The following CASK variants were observed in gnomAD, a reference collection of about 807,000 sequenced individuals.
The protein encoded by CASK is peripheral plasma membrane protein CASK.
CASK carries 4 observed loss-of-function variants against 82.9 expected under a neutral mutation model. That is an observed-to-expected ratio of 0.05 (90% CI 0.02 to 0.11). The LOEUF (loss-of-function observed/expected upper bound fraction) is 0.11. Ranked by LOEUF, CASK falls within the 10% of genes least tolerant of loss-of-function variation. CASK has a pLI of 1.00. For missense variants in CASK, 358 were observed against 720.9 expected (o/e 0.50, Z 5.76); for synonymous variants, 259 against 253.5 (o/e 1.02, Z -0.20).
At chrX:41,573,075 C>CTTT (rs147599527) in intron 15 of CASK, among the ~76,000 whole-genome samples, 1 of 87,933 alleles carries the variant, frequency 1.1e-5, no homozygotes, top group African/African-American at 4.0e-5. Context: ...TTTCTTTTTT[C>CTTT]TTTTTTTTTT....
At chrX:41,712,521 A>G (rs1360539773) in intron 5 of CASK, among the ~76,000 whole-genome samples, 1 of 112,330 alleles carries the variant, frequency 8.9e-6, no homozygotes. Flanking sequence ...AAAATATCAG[A>G]CCTAACCAAC....
Position 41,662,700 on chromosome X carries a change from C to T in CASK, c.709-2139G>A, listed in dbSNP as rs182533205. Among the ~76,000 whole-genome samples, 56 of 110,424 alleles carry T rather than the reference C, an allele frequency of 5.1e-4. 1 individual carries two copies. Among genetic ancestry groups the T allele is most frequent in the African/African-American group, 1.6e-3 (48 of 30,412 alleles). ...CCCAGCTACTCGGGAGGCTGAGTCA[C>T]GAGAATCACCTGAACTTGGGAGGGG... On this transcript the variant is annotated intron_variant, in intron 7 of 26. Transcript: ENST00000378163.
At chrX:41,580,509 A>G (rs2065558562) in intron 14 of CASK, among the ~76,000 whole-genome samples, 1 of 111,943 alleles carries the variant, frequency 8.9e-6, no homozygotes, top group African/African-American at 3.2e-5. Flanking sequence ...TATTTAATGC[A>G]TTATTTACAA....
At chrX:41,566,797 A>G (rs1027668399) in intron 16 of CASK, among the ~76,000 whole-genome samples, 4 of 111,887 alleles carry the variant, frequency 3.6e-5, no homozygotes, top group Non-Finnish European at 7.5e-5. Flanking sequence ...CTAAGCAAAA[A>G]GAACAAAGCT....
At chrX:41,913,395 TAAC>T (rs1459654504) in intron 1 of CASK, among the ~76,000 whole-genome samples, 1 of 112,095 alleles carries the variant, frequency 8.9e-6, no homozygotes, top group Non-Finnish European at 1.9e-5. Flanking sequence ...GCAATTAAAA[TAAC>T]AACCTTTAGA....
chrX:41,772,752 C>T (rs181092061), intron 3 of CASK, among the ~76,000 whole-genome samples: 1 of 111,432 alleles, frequency 9.0e-6, no homozygotes, highest in African/African-American at 3.3e-5. Flanking sequence ...GTAGTCCCAG[C>T]ACTTTAGGAG....
rs912344424 is a variant in CASK, at chrX:41,903,411, C to A, written c.59+19519G>T. Among the ~76,000 whole-genome samples, 6 of 111,873 alleles carry A rather than the reference C, an allele frequency of 5.4e-5. No individual in the cohort carries two copies. In the Admixed American group the frequency reaches 5.7e-4, roughly 11 times the overall value. ...GGATGGTTGGTAAGAAAATCAAATA[C>A]CATAAACAGAGGTAAACAATGTAAC... On this transcript the variant is annotated intron_variant, in intron 1 of 26. Transcript: ENST00000378163.
Position 41,748,277 on chromosome X carries a change from C to CACCAGGT in CASK, c.279-2683_279-2677dup, listed in dbSNP as rs1331942796. The CACCAGGT allele has an allele frequency of 4.9e-5, 6 of 123,636 alleles. No homozygotes were observed. The East Asian group carries it at 1.4e-3, about 30-fold the overall frequency. 10.2% of individuals were successfully genotyped at this position (123,636 alleles called of 1,213,427 possible). ...ATCAACAATACCAAAAAGAGGCAAA[C>CACCAGGT]ACCAGGTTCTTATTAGGTTGTGCTC... On this transcript the variant is annotated intron_variant, in intron 3 of 26. Transcript: ENST00000378163.
At chrX:41,534,392 AAC>A (rs56349527) in intron 24 of CASK, among the ~76,000 whole-genome samples, 34,139 of 90,925 alleles carry the variant, frequency 0.38, 5,712 homozygotes, top group East Asian at 0.64. Flanking sequence ...TTTTATTTAA[AAC>A]ACACACACAC....
rs767030499 is a variant in CASK, at chrX:41,542,798, G to A, written c.2048C>T (p.Ala683Val). 2.6e-6 allele frequency: 3 copies of A among 1,144,245 alleles called. No homozygotes were observed. Among genetic ancestry groups the A allele is most frequent in the Admixed American group, 4.4e-5 (2 of 45,903 alleles). 94.3% of individuals were successfully genotyped at this position (1,144,245 alleles called of 1,213,427 possible). A position where few individuals can be genotyped will look rare whatever the true frequency, so the allele number is the denominator to read the frequency against. Residue 683 changes from alanine to valine, a missense_variant, in exon 22 of 27, where the codon GCT becomes GTT. Physicochemically the swap from Ala to Val is moderately conservative, Grantham distance 64. Around this residue, in one of 5 missense-constraint regions of CASK, gnomAD observed 19 missense variants for 64.8 expected, o/e 0.29. Coordinates refer to ENST00000378163, the MANE Select transcript of CASK (RefSeq NM_001367721.1). ...TTTGGTCTTCTCCATGGCAATGCAA[G>A]CTACTCGCCTAGCACATACAAAAAG... is the stretch of plus-strand genomic sequence containing the variant. The part of the protein sequence containing the change: ...PSPELQEWRV[A>V]CIAMEKTKQE...
At chrX:41,804,264 C>T (rs2070064339) in intron 2 of CASK, among the ~76,000 whole-genome samples, 1 of 110,960 alleles carries the variant, frequency 9.0e-6, no homozygotes, top group Non-Finnish European at 1.9e-5. Flanking sequence ...ATGATAACTG[C>T]TTGAACCCGG....
intron 2 of CASK, among the ~76,000 whole-genome samples, chrX:41,801,081 C>A (rs2069988315): frequency 9.0e-6 from 1 of 111,035 alleles, no homozygotes; most frequent in Non-Finnish European, 1.9e-5. Flanking sequence ...AGGAGACATG[C>A]AAAATGCAGA....
At chrX:41,630,887 G>C (rs12391365) in intron 9 of CASK, among the ~76,000 whole-genome samples, 90 of 111,815 alleles carry the variant, frequency 8.0e-4, no homozygotes, top group African/African-American at 2.8e-3. Context: ...AATTTGGGTT[G>C]ATTATACTTA....
intron 2 of CASK, among the ~76,000 whole-genome samples, chrX:41,832,104 C>T (rs6610619): frequency 0.18 from 19,874 of 109,842 alleles, 1,509 homozygotes; most frequent in Middle Eastern, 0.3. Flanking sequence ...CTTAAACTCT[C>T]TAGATTCAAT....
chrX:41,857,921 G>A (rs533513632), intron 1 of CASK, among the ~76,000 whole-genome samples: 4 of 111,856 alleles, frequency 3.6e-5, no homozygotes, highest in South Asian at 3.7e-4. Context: ...CAATGCCAAC[G>A]CTAGAAGACA....
chrX:41,722,550 C>T (rs2068185027), intron 5 of CASK, among the ~76,000 whole-genome samples: 2 of 112,071 alleles, frequency 1.8e-5, no homozygotes, highest in South Asian at 3.7e-4. Flanking sequence ...GTTGTGAAAA[C>T]CAAATAAGAC....
At chrX:41,663,342 A>C (rs963072662) in intron 7 of CASK, among the ~76,000 whole-genome samples, 2 of 111,709 alleles carry the variant, frequency 1.8e-5, no homozygotes, top group Non-Finnish European at 3.8e-5. Context: ...GCTTTTTGTA[A>C]GGAAAGTCCT....
intron 5 of CASK, among the ~76,000 whole-genome samples, chrX:41,711,849 G>T (rs1252113046): frequency 2.7e-5 from 3 of 111,878 alleles, no homozygotes; most frequent in Non-Finnish European, 5.6e-5. Flanking sequence ...GGGGTGGGGG[G>T]GCCACCCGTG....
At chrX:41,557,177 CCA>C (rs1439541516) in intron 18 of CASK, 77 bp from the exon 19 acceptor site, 3 of 795,752 alleles carry the variant, frequency 3.8e-6, no homozygotes, top group Non-Finnish European at 5.8e-6. Flanking sequence ...ACAGTAACAA[CCA>C]CAGTCTGACA....
Sources: allele counts gnomAD v4.1 joint callset (sites outside exome capture counted in the v4.1 genomes callset), GRCh38; gene constraint gnomAD v4.1.1; regional missense constraint gnomAD v4.1.1; transcripts MANE v1.5; gene names NCBI Gene and HGNC (gene_info 2026-07-23, HGNC 2026-07-21).